Variants in RAE1 observed in about 807,000 individuals in gnomAD.
The protein encoded by RAE1 is mRNA export factor RAE1.
Under a neutral mutation model 52.7 loss-of-function variants are expected in RAE1, and 13 were observed. The observed-to-expected ratio is 0.25, with a 90% CI of 0.16 to 0.39. RAE1 has a LOEUF of 0.39. RAE1 is among the 10% of genes least tolerant of loss of function. RAE1 has a pLI of 1.00. For missense variants in RAE1, 262 were observed against 459.8 expected (o/e 0.57, Z 3.93); for synonymous variants, 164 against 153.1 (o/e 1.07, Z -0.52).
intron 4 of RAE1, among the ~76,000 whole-genome samples, chr20:57,361,804 G>A (rs1000355948): frequency 6.6e-6 from 1 of 152,158 alleles, no homozygotes; most frequent in Non-Finnish European, 1.5e-5. Flanking sequence ...GGGAACCTAT[G>A]GGCAATCTTA....
Position 57,377,033 on chromosome 20 carries a change from G to C in RAE1, c.1021-980G>C, listed in dbSNP as rs2067126188. 2.6e-5 allele frequency among the ~76,000 whole-genome samples: 4 copies of C among 152,194 alleles called. No individual in the cohort carries two copies. In the South Asian group the frequency reaches 8.3e-4, roughly 31 times the overall value. Reference sequence around the variant, plus strand: ...TTTCATTGTTCTTAGTTCAAGGACAGTTATCTCCAGTGCAAAGTCATGATC... The same window carrying C: ...TTTCATTGTTCTTAGTTCAAGGACACTTATCTCCAGTGCAAAGTCATGATC... On this transcript the variant is annotated intron_variant, in intron 11 of 11. Transcript: ENST00000395841.
At chr20:57,367,739 CAAAAA>C (rs374097734) in intron 7 of RAE1, among the ~76,000 whole-genome samples, 2 of 68,116 alleles carry the variant, frequency 2.9e-5, no homozygotes, top group East Asian at 5.6e-4. Flanking sequence ...GATACTATCT[CAAAAA>C]AAAAAAAAAA....
intron 11 of RAE1, among the ~76,000 whole-genome samples, chr20:57,375,307 C>T (rs1462623471): frequency 6.6e-6 from 1 of 152,152 alleles, no homozygotes; most frequent in Non-Finnish European, 1.5e-5. Context: ...TGTTTCTCCA[C>T]TGCTCAGCTC....
chr20:57,354,144 T>A lies in RAE1; in HGVS notation c.90+16T>A. On this transcript the variant is annotated intron_variant, in intron 2 of 11. Transcript: ENST00000395841. ...TCCCATGAAGGTACCACGAAAAGCT[T>A]CCTGGGGCTTGTAGGAAGAGTTTGG... 2 of 1,607,504 alleles carry A rather than the reference T, an allele frequency of 1.2e-6. No homozygotes were observed. The highest frequency in any genetic ancestry group is 1.7e-6 in the Non-Finnish European group (2 of 1,174,532).
At chr20:57,376,792 A>C (rs1399375906) in intron 11 of RAE1, among the ~76,000 whole-genome samples, 1 of 152,214 alleles carries the variant, frequency 6.6e-6, no homozygotes, top group Non-Finnish European at 1.5e-5. Flanking sequence ...AGCTGCATCA[A>C]AATTCTGCAT....
chr20:57,375,077 CG>C, intron 11 of RAE1: 1 of 694,658 alleles, frequency 1.4e-6, no homozygotes, highest in Non-Finnish European at 2.6e-6. Flanking sequence ...ACAGGCAAGC[CG>C]GGGGCTGCAC....
chr20:57,375,855 C>T (rs1298581770), intron 11 of RAE1, among the ~76,000 whole-genome samples: 1 of 152,248 alleles, frequency 6.6e-6, no homozygotes, highest in African/African-American at 2.4e-5. Flanking sequence ...CTCCCTGCTT[C>T]TTGGCCATGT....
chr20:57,365,249 A>C, intron 4 of RAE1, 107 bp from the exon 5 acceptor site: 1 of 708,706 alleles, frequency 1.4e-6, no homozygotes. Flanking sequence ...TGGAAAAATA[A>C]AGATTGCCAA....
chr20:57,357,229 C>T (rs992275021), intron 4 of RAE1, among the ~76,000 whole-genome samples: 1 of 152,184 alleles, frequency 6.6e-6, no homozygotes, highest in Non-Finnish European at 1.5e-5. Flanking sequence ...ACAGATCCAT[C>T]GGCCTCCAAA....
chr20:57,352,749 T>C (rs1399662911), intron 1 of RAE1, among the ~76,000 whole-genome samples: 1 of 152,188 alleles, frequency 6.6e-6, no homozygotes, highest in African/African-American at 2.4e-5. Context: ...CTCTGTGAAG[T>C]AGATATTAGT....
intron 4 of RAE1, among the ~76,000 whole-genome samples, chr20:57,360,439 G>A (rs1450656352): frequency 6.6e-6 from 1 of 152,170 alleles, no homozygotes; most frequent in East Asian, 1.9e-4. Flanking sequence ...AGACGTATCG[G>A]GGTTTATTGA....
At chr20:57,364,073 G>A (rs764449786) in intron 4 of RAE1, among the ~76,000 whole-genome samples, 2 of 152,196 alleles carry the variant, frequency 1.3e-5, no homozygotes, top group Admixed American at 6.5e-5. Flanking sequence ...CTACCCGGGA[G>A]AGAAAGACAT....
At chr20:57,361,387 G>C (rs2066890362) in intron 4 of RAE1, among the ~76,000 whole-genome samples, 1 of 152,088 alleles carries the variant, frequency 6.6e-6, no homozygotes, top group Non-Finnish European at 1.5e-5. Context: ...TAGCTGTTGG[G>C]GTGTTCGTGG....
intron 3 of RAE1, among the ~76,000 whole-genome samples, chr20:57,355,226 T>G (rs749305168): frequency 1.6e-4 from 24 of 152,112 alleles, no homozygotes; most frequent in Non-Finnish European, 3.4e-4. Flanking sequence ...TTACTCATCA[T>G]GTACAAAAAG....
chr20:57,366,310 C>A (rs954458869), intron 5 of RAE1, among the ~76,000 whole-genome samples: 9 of 152,110 alleles, frequency 5.9e-5, no homozygotes, highest in African/African-American at 2.2e-4. Context: ...AAAGAAATAC[C>A]TGAGACTGGG....
intron 1 of RAE1, 101 bp downstream of exon 1, chr20:57,351,523 G>T (rs2146119662): frequency 1.0e-6 from 1 of 985,480 alleles, no homozygotes; most frequent in South Asian, 4.7e-5. Flanking sequence ...ATGCTGGGGC[G>T]CGAGCGGGAC....
chr20:57,365,555 G>A (rs1382895892), intron 5 of RAE1, 113 bp downstream of exon 5: 7 of 711,974 alleles, frequency 9.8e-6, no homozygotes, highest in Non-Finnish European at 1.5e-5. Flanking sequence ...GTTAGACTCT[G>A]TCAAATCAAT....
At chr20:57,355,060 G>A (rs1362316102) in intron 3 of RAE1, among the ~76,000 whole-genome samples, 1 of 152,192 alleles carries the variant, frequency 6.6e-6, no homozygotes, top group Non-Finnish European at 1.5e-5. Context: ...GTCTCTTGAA[G>A]TTTATTCCCA....
At chr20:57,360,168 A>C (rs994437361) in intron 4 of RAE1, among the ~76,000 whole-genome samples, 7 of 152,190 alleles carry the variant, frequency 4.6e-5, no homozygotes, top group African/African-American at 1.7e-4. Context: ...TATTCGAGGA[A>C]GGTGATGGGC....
Sources: gnomAD v4.1 joint callset for allele counts (sites outside exome capture counted in the v4.1 genomes callset) on GRCh38, gnomAD v4.1.1 for gene constraint, MANE v1.5 for transcripts, NCBI Gene and HGNC (gene_info 2026-07-23, HGNC 2026-07-21) for gene names.